DLG2: variants seen among roughly 807,000 people sequenced by gnomAD.
The protein encoded by DLG2 is disks large homolog 2.
A neutral mutation model predicts 132.5 loss-of-function variants in DLG2; 45 were observed. The ratio of observed to expected loss-of-function variants is 0.34; its 90% CI spans 0.27 to 0.44. DLG2 has a LOEUF of 0.44. DLG2 is among the 20% of genes least tolerant of loss of function. The probability of loss-of-function intolerance (pLI) is 1.00; values close to 1 mark genes in which losing one functional copy is unlikely to be tolerated. For synonymous variants in DLG2, 424 were observed against 419.6 expected (o/e 1.01, Z -0.13); for missense variants, 1,045 against 1,196.9 (o/e 0.87, Z 1.87).
chr11:85,361,137 C>T (rs149485494), intron 3 of DLG2, among the ~76,000 whole-genome samples: 23 of 152,156 alleles, frequency 1.5e-4, no homozygotes, highest in African/African-American at 4.8e-4. Context: ...TCCCAGACCC[C>T]AGATTCTGTT....
In DLG2 at chr11:85,427,304, A is replaced by G. The variant is rs555168877; in HGVS notation, c.41-141939T>C. On this transcript the variant is annotated intron_variant, in intron 3 of 27. Transcript: ENST00000376104. ...CACAAAGATACTCCTCGAGAAGAGC[A>G]ACTCCAAGACACATAATTGTCAGAT... Among the ~76,000 whole-genome samples the G allele has an allele frequency of 4.6e-5, 7 of 152,300 alleles. No homozygotes were observed. In the South Asian group the frequency reaches 1.5e-3, roughly 32 times the overall value.
intron 3 of DLG2, among the ~76,000 whole-genome samples, chr11:85,501,112 A>C (rs2093791408): frequency 6.6e-6 from 1 of 151,996 alleles, no homozygotes; most frequent in African/African-American, 2.4e-5. Flanking sequence ...AGAAATAACA[A>C]CACACATCTA....
intron 19 of DLG2, among the ~76,000 whole-genome samples, chr11:83,610,878 C>T (rs1025154308): frequency 6.6e-6 from 1 of 152,016 alleles, no homozygotes; most frequent in Non-Finnish European, 1.5e-5. Flanking sequence ...ATCACACAAC[C>T]GGTAAACAGA....
In DLG2 at chr11:83,769,220, T is replaced by G. The variant is rs528843530; in HGVS notation, c.1825+17470A>C. 1.1e-4 allele frequency among the ~76,000 whole-genome samples: 17 copies of G among 152,340 alleles called. No homozygotes were observed. The South Asian group carries it at 2.3e-3, about 20-fold the overall frequency. On this transcript the variant is annotated intron_variant, in intron 18 of 27. Transcript: ENST00000376104. ...CCTTTGGCTTTGTTAGTTCACCATT[T>G]ATTTTTATTATTTTAAGGACTAGCC...
chr11:84,937,742 C>T (rs915110854), intron 6 of DLG2, among the ~76,000 whole-genome samples: 1 of 152,076 alleles, frequency 6.6e-6, no homozygotes, highest in Non-Finnish European at 1.5e-5. Context: ...TTTGTTTAAT[C>T]AGTAAAGGGA....
At chr11:85,527,053 T>C (rs1167477522) in intron 3 of DLG2, among the ~76,000 whole-genome samples, 3 of 152,172 alleles carry the variant, frequency 2.0e-5, no homozygotes, top group Non-Finnish European at 4.4e-5. Context: ...ACTTTTAAAA[T>C]GGGCAAGAGT....
intron 7 of DLG2, among the ~76,000 whole-genome samples, chr11:84,403,249 T>G (rs2098836965): frequency 1.3e-5 from 2 of 152,294 alleles, no homozygotes; most frequent in South Asian, 4.1e-4. Context: ...TCATGGCATG[T>G]AGGCAAGATA....
intron 11 of DLG2, among the ~76,000 whole-genome samples, chr11:84,020,672 C>A (rs1243592054): frequency 6.6e-6 from 1 of 152,046 alleles, no homozygotes; most frequent in African/African-American, 2.4e-5. Flanking sequence ...GTTATTTTTC[C>A]TTTTTTCATT....
intron 11 of DLG2, among the ~76,000 whole-genome samples, chr11:84,016,803 T>G (rs895890763): frequency 6.6e-6 from 1 of 152,094 alleles, no homozygotes; most frequent in Non-Finnish European, 1.5e-5. Context: ...AAGTAAAACA[T>G]TCCCAAGGTC....
intron 8 of DLG2, among the ~76,000 whole-genome samples, chr11:84,169,727 G>C (rs569562916): frequency 4.6e-5 from 7 of 152,050 alleles, no homozygotes; most frequent in Non-Finnish European, 1.0e-4. Context: ...ACAAAAACTA[G>C]CTGGGCATCA....
At chr11:83,949,929 A>G (rs904312557) in intron 14 of DLG2, among the ~76,000 whole-genome samples, 1 of 152,218 alleles carries the variant, frequency 6.6e-6, no homozygotes, top group Admixed American at 6.5e-5. Context: ...ATTAATCACC[A>G]TAAGTTTTAT....
At chr11:84,703,350 T>C (rs2059402790) in intron 6 of DLG2, among the ~76,000 whole-genome samples, 1 of 151,622 alleles carries the variant, frequency 6.6e-6, no homozygotes, top group African/African-American at 2.4e-5. Flanking sequence ...GACCCTGACT[T>C]GCTCTAAATG....
At chr11:84,675,297 A>G (rs2099710078) in intron 6 of DLG2, among the ~76,000 whole-genome samples, 1 of 152,092 alleles carries the variant, frequency 6.6e-6, no homozygotes, top group African/African-American at 2.4e-5. Flanking sequence ...AAATTAGGAA[A>G]GAGAAATCAT....
chr11:84,521,335 T>C (rs2099299504), intron 7 of DLG2, among the ~76,000 whole-genome samples: 1 of 152,202 alleles, frequency 6.6e-6, no homozygotes, highest in Non-Finnish European at 1.5e-5. Context: ...CACCTGTTGT[T>C]TACTTTTCTT....
chr11:85,015,688 T>C (rs771805050), intron 6 of DLG2, among the ~76,000 whole-genome samples: 3 of 152,148 alleles, frequency 2.0e-5, no homozygotes, highest in East Asian at 1.9e-4. Flanking sequence ...CAAATAAATC[T>C]ATAAAGCTCA....
intron 7 of DLG2, among the ~76,000 whole-genome samples, chr11:84,373,267 A>AAAAAAAAAAAAAAAAAAAAAAAAAAAG (rs1567449305): frequency 7.2e-6 from 1 of 139,288 alleles, no homozygotes; most frequent in Non-Finnish European, 1.5e-5. Context: ...AAAAAAAACA[A>AAAAAAAAAAAAAAAAAAAAAAAAAAAG]AACAAAAAAA....
chr11:83,556,857 G>C (rs2096529466), intron 19 of DLG2, among the ~76,000 whole-genome samples: 1 of 152,196 alleles, frequency 6.6e-6, no homozygotes, highest in South Asian at 2.1e-4. Flanking sequence ...GATGATGCGG[G>C]GAAGATGACT....
chr11:84,191,634 C>T (rs756826531), intron 8 of DLG2, among the ~76,000 whole-genome samples: 1 of 152,164 alleles, frequency 6.6e-6, no homozygotes, highest in Non-Finnish European at 1.5e-5. Flanking sequence ...CTTATCAAAC[C>T]GTTTATGACA....
At chr11:84,505,675 A>G (rs537462104) in intron 7 of DLG2, among the ~76,000 whole-genome samples, 12 of 152,314 alleles carry the variant, frequency 7.9e-5, no homozygotes, top group Admixed American at 6.5e-4. Context: ...TTCAGCAATA[A>G]AAATGGTAAT....
Sources: allele counts gnomAD v4.1 joint callset (sites outside exome capture counted in the v4.1 genomes callset), GRCh38; gene constraint gnomAD v4.1.1; transcripts MANE v1.5; gene names NCBI Gene and HGNC (gene_info 2026-07-23, HGNC 2026-07-21).